Variants in DNAJB1 observed in about 807,000 individuals in gnomAD.
DNAJB1 encodes the protein dnaJ homolog subfamily B member 1.
A neutral mutation model predicts 24.0 loss-of-function variants in DNAJB1; 14 were observed. That is an observed-to-expected ratio of 0.58 (90% CI 0.39 to 0.91). The LOEUF (loss-of-function observed/expected upper bound fraction) is 0.91, where lower values mean the gene tolerates loss of function less well. Among genes scored for constraint, DNAJB1 ranks in the 40% least tolerant of loss-of-function variants. The pLI is 0.00. For synonymous variants in DNAJB1, 262 were observed against 174.4 expected (o/e 1.50, Z -3.96); for missense variants, 517 against 458.1 (o/e 1.13, Z -1.17).
At chr19:14,553,951 C>T (rs1447815742), upstream of DNAJB1, among the ~76,000 whole-genome samples, 1 of 152,178 alleles carries the variant, frequency 6.6e-6, no homozygotes, top group Non-Finnish European at 1.5e-5. Context: ...GCCTCTTGTG[C>T]CCCAGACTCG....
At chr19:14,529,294 G>C in exon 1 of DNAJB1, 2 of 380,452 alleles carry the variant, frequency 5.3e-6, no homozygotes, top group South Asian at 4.8e-5. Context: ...CCCGCGTCTG[G>C]CCTAACCGTC....
At chr19:14,523,433 C>G (rs976370973) in intron 2 of DNAJB1, among the ~76,000 whole-genome samples, 1 of 151,738 alleles carries the variant, frequency 6.6e-6, no homozygotes. Flanking sequence ...TCTGCCTCAG[C>G]CTCCTGAGTA....
At position 14,515,775 on chromosome 19, in the gene DNAJB1, G is replaced by T; in HGVS notation, c.*165C>A. ...TAGCTCGAAAAACCACTGAAGTCTA[G>T]TGTGCGACTTTGAAAGATTGTAATA... On this transcript the variant is annotated 3_prime_UTR_variant, in exon 3 of 3. Coordinates refer to ENST00000254322, the MANE Select transcript of DNAJB1 (RefSeq NM_006145.3). 1 of 663,246 alleles carries T rather than the reference G, an allele frequency of 1.5e-6. No individual in the cohort carries two copies. Among genetic ancestry groups the T allele is most frequent in the Non-Finnish European group, 2.5e-6 (1 of 397,434 alleles). 41.1% of individuals were successfully genotyped at this position (663,246 alleles called of 1,614,324 possible). A position where few individuals can be genotyped will look rare whatever the true frequency, so the allele number is the denominator to read the frequency against.
upstream of DNAJB1, among the ~76,000 whole-genome samples, chr19:14,554,832 G>A (rs754957521): frequency 6.6e-6 from 1 of 151,934 alleles, no homozygotes; most frequent in African/African-American, 2.4e-5. Context: ...AGGTTGGAGT[G>A]CAGTGGCCTG....
At chr19:14,537,513 G>A (rs2072944736) in intron 1 of DNAJB1, among the ~76,000 whole-genome samples, 1 of 152,124 alleles carries the variant, frequency 6.6e-6, no homozygotes, top group East Asian at 1.9e-4. Flanking sequence ...ACTCTGATAA[G>A]GTGGTTGGGT....
chr19:14,540,589 A>G (rs961787987), intron 1 of DNAJB1, among the ~76,000 whole-genome samples: 1 of 150,924 alleles, frequency 6.6e-6, no homozygotes, highest in Non-Finnish European at 1.5e-5. Flanking sequence ...ACAGGGTTTC[A>G]TTGTGTTGGC....
At chr19:14,532,939 G>C (rs889977269), upstream of DNAJB1, among the ~76,000 whole-genome samples, 1 of 151,706 alleles carries the variant, frequency 6.6e-6, no homozygotes, top group Non-Finnish European at 1.5e-5. Flanking sequence ...GTGAAACCTC[G>C]TCTCTACTAA....
intron 1 of DNAJB1, among the ~76,000 whole-genome samples, chr19:14,555,438 CTTTTTTTT>C (rs747503834): frequency 8.6e-5 from 8 of 92,904 alleles, no homozygotes; most frequent in Non-Finnish European, 1.3e-4. Flanking sequence ...TTTATTTATT[CTTTTTTTT>C]TTTTTTTTTT....
At chr19:14,545,032 GTC>G in intron 1 of DNAJB1, 1 of 454,468 alleles carries the variant, frequency 2.2e-6, no homozygotes, top group African/African-American at 2.0e-5. Context: ...AAGCACCTGA[GTC>G]TCTGCCCTGA....
upstream of DNAJB1, chr19:14,531,078 G>GGGCTGGAGTGCAATGGC (rs1383268529): frequency 6.6e-6 from 1 of 151,936 alleles, no homozygotes; most frequent in Non-Finnish European, 1.5e-5. Flanking sequence ...CTTATTGCCC[G>GGGCTGGAGTGCAATGGC]GGCTGGAGTG....
rs771643428 is a variant in DNAJB1, at chr19:14,518,366, C to A, written c.-17G>T. The A allele has an allele frequency of 7.2e-6, 11 of 1,534,696 alleles. No individual in the cohort carries two copies. The highest frequency in any genetic ancestry group is 8.7e-6 in the Non-Finnish European group (10 of 1,150,520). On this transcript the variant is annotated 5_prime_UTR_variant, in exon 1 of 3. Coordinates refer to ENST00000254322, the MANE Select transcript of DNAJB1 (RefSeq NM_006145.3). The stretch of plus-strand genomic sequence containing the variant: ...TTTACCCATGACCCCCTCCTGCGGC[C>A]CGCCGACCCGCTGTCGCCGTCCCCC...
Position 14,516,913 on chromosome 19 carries a change from A to C in DNAJB1, c.345T>G (p.Phe115Leu), listed in dbSNP as rs2072275393. 2.5e-6 allele frequency: 4 copies of C among 1,614,112 alleles called. No homozygotes were observed. The highest frequency in any genetic ancestry group is 1.7e-6 in the Non-Finnish European group (2 of 1,180,028). ...FFGGRNPFDT[F>L]FGQRNGEEGM... is the part of the protein sequence containing the mutation. Reference sequence around the variant, plus strand: ...CTTCCTCCCCGTTCCGCTGCCCAAAAAAGGTGTCAAAGGGATTTCTGCCAC... The same window carrying C: ...CTTCCTCCCCGTTCCGCTGCCCAAACAAGGTGTCAAAGGGATTTCTGCCAC... The change falls in exon 2 of 3, where the codon TTT becomes TTG. Residue 115 changes from phenylalanine (F) to leucine (L), a missense_variant. Physicochemically the swap from Phe to Leu is conservative, Grantham distance 22. Coordinates refer to ENST00000254322, the MANE Select transcript of DNAJB1 (RefSeq NM_006145.3).
intron 2 of DNAJB1, among the ~76,000 whole-genome samples, chr19:14,525,403 G>A (rs1391518222): frequency 2.6e-5 from 4 of 151,758 alleles, no homozygotes; most frequent in Non-Finnish European, 5.9e-5. Flanking sequence ...ACCAACAGCA[G>A]TTAAACCCTA....
upstream of DNAJB1, among the ~76,000 whole-genome samples, chr19:14,533,493 C>T (rs911500329): frequency 1.3e-5 from 2 of 152,056 alleles, no homozygotes; most frequent in East Asian, 3.9e-4. Flanking sequence ...AGTCTGTTGT[C>T]CACTGAAAGG....
chr19:14,552,949 C>T (rs1310296929), upstream of DNAJB1, among the ~76,000 whole-genome samples: 1 of 152,000 alleles, frequency 6.6e-6, no homozygotes, highest in Admixed American at 6.6e-5. Flanking sequence ...GCGAGATCAG[C>T]GTCGCTCTGG....
chr19:14,559,675 T>C (rs1419124030), intron 1 of DNAJB1, among the ~76,000 whole-genome samples: 1 of 151,862 alleles, frequency 6.6e-6, no homozygotes, highest in Non-Finnish European at 1.5e-5. Context: ...TAATCCCAGC[T>C]ACTCTGGAGG....
In DNAJB1 at chr19:14,518,374, C is replaced by A; in HGVS notation, c.-25G>T. On this transcript the variant is annotated 5_prime_UTR_variant, in exon 1 of 3. Coordinates refer to ENST00000254322, the MANE Select transcript of DNAJB1 (RefSeq NM_006145.3). ...TGACCCCCTCCTGCGGCCCGCCGAC[C>A]CGCTGTCGCCGTCCCCCGGCTCCGC... 1 of 1,527,990 alleles carries A rather than the reference C, an allele frequency of 6.5e-7. No individual in the cohort carries two copies. The highest frequency in any genetic ancestry group is 2.3e-5 in the East Asian group (1 of 42,678). The allele number at this position is 1,527,990 out of a possible 1,614,324, so 94.7% of individuals were successfully genotyped here. A position where few individuals can be genotyped will look rare whatever the true frequency, so the allele number is the denominator to read the frequency against.
chr19:14,558,401 C>G (rs1599485716), intron 1 of DNAJB1, among the ~76,000 whole-genome samples: 1 of 152,206 alleles, frequency 6.6e-6, no homozygotes, highest in East Asian at 1.9e-4. Context: ...ACAAACCTCG[C>G]CCCTGCTCCC....
Position 14,518,386 on chromosome 19 carries a change from T to A in DNAJB1, c.-37A>T. The A allele has an allele frequency of 6.6e-7, 1 of 1,511,958 alleles. No individual in the cohort carries two copies. Among genetic ancestry groups the A allele is most frequent in the Non-Finnish European group, 8.8e-7 (1 of 1,140,068 alleles). The allele number at this position is 1,511,958 out of a possible 1,614,324, so 93.7% of individuals were successfully genotyped here. On this transcript the variant is annotated 5_prime_UTR_variant, in exon 1 of 3. Coordinates refer to ENST00000254322, the MANE Select transcript of DNAJB1 (RefSeq NM_006145.3). ...GCGGCCCGCCGACCCGCTGTCGCCG[T>A]CCCCCGGCTCCGCCGCCGACCAGTC... is the stretch of plus-strand genomic sequence containing the variant.
Sources: gnomAD v4.1 joint callset for allele counts (sites outside exome capture counted in the v4.1 genomes callset) on GRCh38, gnomAD v4.1.1 for gene constraint, MANE v1.5 for transcripts, NCBI Gene and HGNC (gene_info 2026-07-23, HGNC 2026-07-21) for gene names.